The following RPS19 variants were observed in gnomAD, a reference collection of about 807,000 sequenced individuals.
RPS19 encodes small ribosomal subunit protein eS19.
RPS19 carries 1 observed loss-of-function variant against 20.3 expected under a neutral mutation model. The ratio of observed to expected loss-of-function variants is 0.05; its 90% CI spans 0.02 to 0.23. The LOEUF is 0.23. Ranked by LOEUF, RPS19 falls within the 10% of genes least tolerant of loss-of-function variation. RPS19 has a pLI of 1.00. For synonymous variants in RPS19, 87 were observed against 74.8 expected (o/e 1.16, Z -0.84); for missense variants, 111 against 192.7 (o/e 0.58, Z 2.51).
chr19:41,868,985 A>T (rs1555841271), intron 3 of RPS19, 46 bp from the exon 4 acceptor site: 1 of 1,582,394 alleles, frequency 6.3e-7, no homozygotes, highest in South Asian at 1.1e-5. Context: ...TGTTTACCTG[A>T]GACCTTGATC....
chr19:41,861,702 A>C (rs904215102), intron 3 of RPS19: 11 of 200,992 alleles, frequency 5.5e-5, no homozygotes, highest in Non-Finnish European at 8.4e-5. Context: ...TTATTCAGGA[A>C]AAAGCCAGTT....
Position 41,860,989 on chromosome 19 carries a change from T to C in RPS19, c.72-123T>C, listed in dbSNP as rs1006383714. 10 of 1,109,916 alleles carry C rather than the reference T, an allele frequency of 9.0e-6. No individual in the cohort carries two copies. The Admixed American group carries it at 1.8e-4, about 20-fold the overall frequency. The allele number at this position is 1,109,916 out of a possible 1,614,324, so 68.8% of individuals were successfully genotyped here. A position where few individuals can be genotyped will look rare whatever the true frequency, so the allele number is the denominator to read the frequency against. On this transcript the variant is annotated intron_variant, in intron 2 of 5. Transcript: ENST00000598742. ...TTTCAGCGTGAGGCCTGGCTTGTGT[T>C]CCGGTTCCAGCCTCTCTTTGTACTC...
chr19:41,861,012 C>G, intron 2 of RPS19, 100 bp from the exon 3 acceptor site: 1 of 1,131,162 alleles, frequency 8.8e-7, no homozygotes, highest in African/African-American at 1.5e-5. Flanking sequence ...TCTCTTTGTA[C>G]TCTGGGCACA....
At chr19:41,867,503 G>A (rs1289371807) in intron 3 of RPS19, among the ~76,000 whole-genome samples, 1 of 152,214 alleles carries the variant, frequency 6.6e-6, no homozygotes, top group Middle Eastern at 3.4e-3. Context: ...GTAGAGATGG[G>A]GTTTCACCAT....
intron 1 of RPS19, 125 bp from the exon 2 acceptor site, chr19:41,860,650 C>G (rs1285812867): frequency 1.2e-6 from 1 of 813,708 alleles, no homozygotes; most frequent in Non-Finnish European, 2.2e-6. Flanking sequence ...TTGAAGGGGC[C>G]GTGGGAAGTA....
intron 3 of RPS19, chr19:41,864,590 CA>C (rs1306201565): frequency 1.3e-5 from 2 of 152,298 alleles, no homozygotes; most frequent in Non-Finnish European, 2.9e-5. Flanking sequence ...CTCGGTCTAG[CA>C]GGAACACAGC....
At position 41,869,871 on chromosome 19, in the gene RPS19, G is replaced by A. The variant is rs546880155; in HGVS notation, c.411+118G>A. 2.5e-5 allele frequency: 27 copies of A among 1,090,720 alleles called. No individual in the cohort carries two copies. In the African/African-American group the frequency reaches 4.0e-4, roughly 16 times the overall value. 67.6% of individuals were successfully genotyped at this position (1,090,720 alleles called of 1,614,324 possible). A position where few individuals can be genotyped will look rare whatever the true frequency, so the allele number is the denominator to read the frequency against. On this transcript the variant is annotated intron_variant, in intron 5 of 5. Coordinates refer to ENST00000598742, the MANE Select transcript of RPS19 (RefSeq NM_001022.4). Reference sequence around the variant, plus strand: ...TCTGGAGGGCACAGCCCAGGGTGCTGGTGGGGTCAGAGGAGGGCTGCCCAG... The same window carrying A: ...TCTGGAGGGCACAGCCCAGGGTGCTAGTGGGGTCAGAGGAGGGCTGCCCAG...
At chr19:41,865,845 A>G (rs1555840340) in intron 3 of RPS19, among the ~76,000 whole-genome samples, 1 of 148,694 alleles carries the variant, frequency 6.7e-6, no homozygotes, top group Non-Finnish European at 1.5e-5. Flanking sequence ...GTTACTGTAG[A>G]GGCTGAGGCA....
At chr19:41,869,300 C>T (rs2074121563) in intron 4 of RPS19, 86 bp downstream of exon 4, 1 of 1,275,914 alleles carries the variant, frequency 7.8e-7, no homozygotes, top group Non-Finnish European at 1.1e-6. Context: ...GCATAGTCTG[C>T]CCAGCCCCTC....
At chr19:41,871,132 G>A (rs1555841915) in intron 5 of RPS19, among the ~76,000 whole-genome samples, 2 of 151,940 alleles carry the variant, frequency 1.3e-5, no homozygotes, top group Non-Finnish European at 2.9e-5. Flanking sequence ...CAGAGTGCTG[G>A]GATTAAAGGT....
chr19:41,868,954 A>C (rs1291041701), intron 3 of RPS19, 77 bp from the exon 4 acceptor site: 3 of 1,397,210 alleles, frequency 2.1e-6, no homozygotes, highest in Non-Finnish European at 3.0e-6. Context: ...AGTGAGAATT[A>C]GCTGTTTACA....
intron 1 of RPS19, 133 bp from the exon 2 acceptor site, chr19:41,860,642 G>A (rs2074018190): frequency 1.3e-6 from 1 of 799,562 alleles, no homozygotes; most frequent in African/African-American, 1.7e-5. Flanking sequence ...GCCCGGCGTT[G>A]AAGGGGCCGT....
rs782124984 is a variant in RPS19, at chr19:41,871,682, C to T, written c.*305C>T. On this transcript the variant is annotated 3_prime_UTR_variant, in exon 6 of 6. Transcript: ENST00000598742. ...CAGGGTGATTGGGTGGCTGTTTACC[C>T]GGCAGCCAGTCGGGCCTTCCCAGGT... The T allele has an allele frequency of 2.0e-4, 78 of 396,602 alleles. No individual in the cohort carries two copies. Among genetic ancestry groups the T allele is most frequent in the Non-Finnish European group, 2.6e-4 (55 of 213,994 alleles). 24.6% of individuals were successfully genotyped at this position (396,602 alleles called of 1,614,324 possible). A position where few individuals can be genotyped will look rare whatever the true frequency, so the allele number is the denominator to read the frequency against.
At position 41,869,333 on chromosome 19, in the gene RPS19, G is replaced by A. The variant is rs149428510; in HGVS notation, c.356+119G>A. On this transcript the variant is annotated intron_variant, in intron 4 of 5. Coordinates refer to ENST00000598742, the MANE Select transcript of RPS19 (RefSeq NM_001022.4). ...CTCAGGCCCCTCCTATCAGAGGCAG[G>A]CAGGAGGGGATTCTGCAGAAAAGCA... 5 of 945,008 alleles carry A rather than the reference G, an allele frequency of 5.3e-6. No individual in the cohort carries two copies. In the Admixed American group the frequency reaches 1.2e-4, roughly 24 times the overall value. The allele number at this position is 945,008 out of a possible 1,614,324, so 58.5% of individuals were successfully genotyped here.
chr19:41,869,357 CAA>C (rs1205326232), intron 4 of RPS19, 143 bp downstream of exon 4: 1 of 815,618 alleles, frequency 1.2e-6, no homozygotes, highest in African/African-American at 1.7e-5. Flanking sequence ...TGCAGAAAAG[CAA>C]ACAGCACGGG....
intron 3 of RPS19, among the ~76,000 whole-genome samples, chr19:41,866,727 G>A (rs2074094253): frequency 6.6e-6 from 1 of 152,128 alleles, no homozygotes; most frequent in Non-Finnish European, 1.5e-5. Flanking sequence ...TGTAATATCG[G>A]GGCCAGGGGC....
chr19:41,869,694 C>T lies in RPS19; in HGVS notation c.357-5C>T. ...GGGGCCTGCATGACCCTTCCCTCCC[C>T]ACAGCGGCCGCAAACTGACACCTCA... On this transcript the variant is annotated splice_polypyrimidine_tract_variant and splice_region_variant and intron_variant, in intron 4 of 5. Transcript: ENST00000598742. The T allele has an allele frequency of 3.1e-6, 5 of 1,613,944 alleles. No individual in the cohort carries two copies. The highest frequency in any genetic ancestry group is 4.2e-6 in the Non-Finnish European group (5 of 1,179,972).
intron 2 of RPS19, 115 bp downstream of exon 2, chr19:41,860,960 C>A: frequency 8.8e-7 from 1 of 1,133,034 alleles, no homozygotes; most frequent in Non-Finnish European, 1.3e-6. Flanking sequence ...GCCTCCGTGG[C>A]TCCTTTCAGC....
At chr19:41,860,742 G>T (rs782429229) in intron 1 of RPS19, 33 bp from the exon 2 acceptor site, 9 of 1,538,354 alleles carry the variant, frequency 5.9e-6, no homozygotes, top group Non-Finnish European at 6.3e-6. Context: ...TCTCTGCCAG[G>T]CCTGTGTTCA....
Sources: gnomAD v4.1 joint callset for allele counts (sites outside exome capture counted in the v4.1 genomes callset) on GRCh38, gnomAD v4.1.1 for gene constraint, MANE v1.5 for transcripts, NCBI Gene and HGNC (gene_info 2026-07-23, HGNC 2026-07-21) for gene names.